GXYLT2: variants seen among roughly 807,000 people sequenced by gnomAD.
GXYLT2 encodes the protein glucoside xylosyltransferase 2.
GXYLT2 carries 53 observed loss-of-function variants against 45.8 expected under a neutral mutation model. The ratio of observed to expected loss-of-function variants is 1.16; its 90% confidence interval spans 0.93 to 1.46. The LOEUF is 1.46. Ranked by LOEUF, GXYLT2 falls within the 40% of genes most tolerant of loss-of-function variation. The pLI, the probability that GXYLT2 is intolerant of heterozygous loss-of-function variation, is 0.00. For missense variants in GXYLT2, 551 were observed against 544.4 expected (o/e 1.01, Z -0.12); for synonymous variants, 219 against 214.2 (o/e 1.02, Z -0.19).
At position 72,975,229 on chromosome 3, in the gene GXYLT2, G is replaced by C. The variant is rs1362691622; in HGVS notation, c.*70G>C. On this transcript the variant is annotated 3_prime_UTR_variant, in exon 7 of 7. Coordinates refer to ENST00000389617, the MANE Select transcript of GXYLT2 (RefSeq NM_001080393.2). The stretch of plus-strand genomic sequence containing the variant: ...GAAATACTAATCTCTAAGCTGCCTG[G>C]GTCTTTTTGTGTGAATATTTAATGG... 2.5e-6 allele frequency: 3 copies of C among 1,201,252 alleles called. No individual in the cohort carries two copies. The highest frequency in any genetic ancestry group is 2.5e-5 in the East Asian group (1 of 39,778). 74.4% of individuals were successfully genotyped at this position (1,201,252 alleles called of 1,614,324 possible).
chr3:72,950,797 A>C (rs1710507286), intron 3 of GXYLT2, among the ~76,000 whole-genome samples: 1 of 152,218 alleles, frequency 6.6e-6, no homozygotes, highest in Admixed American at 6.5e-5. Context: ...TTGAAGGTGC[A>C]CTGGTGAGCC....
intron 3 of GXYLT2, among the ~76,000 whole-genome samples, chr3:72,950,628 T>TAAA (rs36027041): frequency 1.4e-5 from 2 of 145,464 alleles, no homozygotes; most frequent in African/African-American, 5.0e-5. Context: ...AAACCCTGTC[T>TAAA]AAAAAAAAAA....
chr3:72,919,851 T>C (rs1339065069), intron 2 of GXYLT2, among the ~76,000 whole-genome samples: 1 of 152,208 alleles, frequency 6.6e-6, no homozygotes. Context: ...CTGTATACTG[T>C]AATGATAGAT....
intron 3 of GXYLT2, among the ~76,000 whole-genome samples, chr3:72,938,044 G>C (rs1259029063): frequency 1.3e-5 from 2 of 152,114 alleles, no homozygotes; most frequent in African/African-American, 4.8e-5. Flanking sequence ...GGATGCTTGA[G>C]GCCAGGAGTT....
chr3:72,975,131 T>C lies in GXYLT2; in HGVS notation c.1304T>C (p.Ile435Thr). ...MKRAYEKHVI[I>T]HVGPNQMH ...AGGGCTTATGAGAAACACGTCATCA[T>C]CCATGTTGGCCCCAACCAGATGCAC... The change falls in exon 7 of 7, where the codon ATC (isoleucine) becomes ACC (threonine). Residue 435 changes from isoleucine (I) to threonine (T), a missense_variant. Transcript: ENST00000389617. 1 of 1,613,684 alleles carries C rather than the reference T, an allele frequency of 6.2e-7. No homozygotes were observed. The highest frequency in any genetic ancestry group is 8.5e-7 in the Non-Finnish European group (1 of 1,179,764).
chr3:72,948,283 A>G (rs948192191), intron 3 of GXYLT2, among the ~76,000 whole-genome samples: 1 of 152,194 alleles, frequency 6.6e-6, no homozygotes, highest in African/African-American at 2.4e-5. Flanking sequence ...GCATTTATAG[A>G]CTACTCCTCC....
At chr3:72,906,381 G>A (rs1432610411) in intron 1 of GXYLT2, among the ~76,000 whole-genome samples, 2 of 152,110 alleles carry the variant, frequency 1.3e-5, no homozygotes, top group Non-Finnish European at 2.9e-5. Flanking sequence ...ACCTTAGTGC[G>A]GCCTTTTCCA....
At position 72,922,142 on chromosome 3, in the gene GXYLT2, G is replaced by A. The variant is rs911975755; in HGVS notation, c.469-62G>A. The stretch of plus-strand genomic sequence containing the variant: ...TTCCATTTGACCATCCAGAAGCTTC[G>A]CAGGCATTTTCCATATTTCCTAGGG... On this transcript the variant is annotated intron_variant, in intron 2 of 6. Coordinates refer to ENST00000389617, the MANE Select transcript of GXYLT2 (RefSeq NM_001080393.2). 33 of 1,494,400 alleles carry A rather than the reference G, an allele frequency of 2.2e-5. No homozygotes were observed. In the East Asian group the frequency reaches 3.5e-4, roughly 16 times the overall value. 92.6% of individuals were successfully genotyped at this position (1,494,400 alleles called of 1,614,324 possible). A position where few individuals can be genotyped will look rare whatever the true frequency, so the allele number is the denominator to read the frequency against.
chr3:72,965,918 T>C (rs1186900677), intron 5 of GXYLT2, among the ~76,000 whole-genome samples: 2 of 152,144 alleles, frequency 1.3e-5, no homozygotes, highest in Non-Finnish European at 2.9e-5. Context: ...GCACAGGGCT[T>C]TTTTTTCTTT....
At chr3:72,920,800 A>G (rs565078887) in intron 2 of GXYLT2, among the ~76,000 whole-genome samples, 1 of 126,750 alleles carries the variant, frequency 7.9e-6, no homozygotes, top group East Asian at 2.2e-4. Context: ...ATGTACATGC[A>G]TATATATATA....
At chr3:72,959,540 C>T (rs536539241) in intron 5 of GXYLT2, among the ~76,000 whole-genome samples, 123 of 152,312 alleles carry the variant, frequency 8.1e-4, no homozygotes, top group Middle Eastern at 6.8e-3. Flanking sequence ...GGATTTCAGG[C>T]ATGAGTAACC....
chr3:72,939,570 C>T (rs879363272), intron 3 of GXYLT2, among the ~76,000 whole-genome samples: 5 of 152,080 alleles, frequency 3.3e-5, no homozygotes, highest in Non-Finnish European at 5.9e-5. Flanking sequence ...TATGCAGCAT[C>T]AAACAGAATG....
intron 3 of GXYLT2, among the ~76,000 whole-genome samples, chr3:72,952,733 C>G (rs1425751372): frequency 6.6e-6 from 1 of 152,104 alleles, no homozygotes; most frequent in African/African-American, 2.4e-5. Context: ...AGAGAGCACT[C>G]TCTGGTGTCT....
At chr3:72,932,153 A>G (rs1710050779) in intron 3 of GXYLT2, among the ~76,000 whole-genome samples, 1 of 151,910 alleles carries the variant, frequency 6.6e-6, no homozygotes, top group Non-Finnish European at 1.5e-5. Context: ...TCTGGGTTCA[A>G]GCAATTCTCT....
chr3:72,968,956 A>G (rs1710929770), intron 6 of GXYLT2, among the ~76,000 whole-genome samples: 1 of 152,060 alleles, frequency 6.6e-6, no homozygotes, highest in Non-Finnish European at 1.5e-5. Flanking sequence ...CTGTAGTCCC[A>G]GCTACTCGGG....
At chr3:72,944,355 A>G (rs1710362605) in intron 3 of GXYLT2, among the ~76,000 whole-genome samples, 2 of 151,930 alleles carry the variant, frequency 1.3e-5, no homozygotes, top group Admixed American at 6.6e-5. Flanking sequence ...CCCAGGTTCA[A>G]GTGATTCTCC....
At chr3:72,914,993 A>G (rs141784081) in intron 2 of GXYLT2, among the ~76,000 whole-genome samples, 3,364 of 152,190 alleles carry the variant, frequency 0.022, 123 homozygotes, top group African/African-American at 0.076. Context: ...TCTCTACTAA[A>G]AATACAAAAA....
intron 2 of GXYLT2, among the ~76,000 whole-genome samples, chr3:72,912,009 A>ATTT (rs1335193184): frequency 1.9e-4 from 23 of 121,966 alleles, no homozygotes; most frequent in African/African-American, 9.5e-4. Context: ...ATATATATAT[A>ATTT]TATATTTTTT....
At chr3:72,949,023 T>C (rs1710464479) in intron 3 of GXYLT2, among the ~76,000 whole-genome samples, 1 of 151,864 alleles carries the variant, frequency 6.6e-6, no homozygotes, top group East Asian at 1.9e-4. Flanking sequence ...ATTTTGGAGG[T>C]AGAGCCTGTG....
Sources: gnomAD v4.1 joint callset for allele counts (sites outside exome capture counted in the v4.1 genomes callset) on GRCh38, gnomAD v4.1.1 for gene constraint, MANE v1.5 for transcripts, NCBI Gene and HGNC (gene_info 2026-07-23, HGNC 2026-07-21) for gene names.